ADGRG6: variants seen among roughly 807,000 people sequenced by gnomAD.
The protein encoded by ADGRG6 is adhesion G protein-coupled receptor G6.
In ADGRG6, 84 loss-of-function variants were observed where a neutral mutation model predicts 142.4. The ratio of observed to expected loss-of-function variants is 0.59; its 90% CI spans 0.49 to 0.71. The LOEUF (loss-of-function observed/expected upper bound fraction) is 0.71, where lower values mean the gene tolerates loss of function less well. Among genes scored for constraint, ADGRG6 ranks in the 30% least tolerant of loss-of-function variants. The pLI is 0.00. For synonymous variants in ADGRG6, 521 were observed against 520.5 expected, an observed-to-expected ratio of 1.00 and a Z score of -0.01; for missense variants, 1,367 against 1,466.6, an observed-to-expected ratio of 0.93 and a Z score of 1.11.
chr6:142,424,994 A>T (rs1776868842), intron 22 of ADGRG6, among the ~76,000 whole-genome samples: 1 of 152,180 alleles, frequency 6.6e-6, no homozygotes. Context: ...CATGTGCAAA[A>T]AATTTGCTAT....
At chr6:142,418,437 G>T (rs751384848) in intron 21 of ADGRG6, among the ~76,000 whole-genome samples, 7 of 152,040 alleles carry the variant, frequency 4.6e-5, no homozygotes, top group African/African-American at 1.7e-4. Flanking sequence ...AAATAATGGG[G>T]CTAGGTGAGG....
At chr6:142,436,896 C>T (rs183086659) in intron 22 of ADGRG6, among the ~76,000 whole-genome samples, 23 of 152,208 alleles carry the variant, frequency 1.5e-4, no homozygotes, top group Admixed American at 9.2e-4. Context: ...CAGGTGGAGC[C>T]GCATGATTTT....
At chr6:142,409,068 G>A (rs1364580908) in intron 16 of ADGRG6, among the ~76,000 whole-genome samples, 1 of 152,094 alleles carries the variant, frequency 6.6e-6, no homozygotes, top group Non-Finnish European at 1.5e-5. Context: ...ATTTTTAAGT[G>A]TACAGTTCAA....
chr6:142,359,969 A>G (rs1268003716), intron 2 of ADGRG6, among the ~76,000 whole-genome samples: 3 of 152,236 alleles, frequency 2.0e-5, no homozygotes. Context: ...GGTGACAAGA[A>G]TATTGACAAG....
chr6:142,315,728 G>C (rs1414660842), intron 2 of ADGRG6, among the ~76,000 whole-genome samples: 9 of 152,130 alleles, frequency 5.9e-5, no homozygotes, highest in African/African-American at 1.7e-4. Context: ...CTACTCGGGA[G>C]GCTGAGGCAG....
chr6:142,367,331 C>T (rs115572171), intron 2 of ADGRG6, among the ~76,000 whole-genome samples: 2,131 of 152,212 alleles, frequency 0.014, 52 homozygotes, highest in African/African-American at 0.048. Flanking sequence ...GACTGTATAA[C>T]CTCCCAAATT....
chr6:142,361,620 A>T (rs540575968), intron 2 of ADGRG6, among the ~76,000 whole-genome samples: 2 of 152,284 alleles, frequency 1.3e-5, no homozygotes, highest in East Asian at 3.9e-4. Flanking sequence ...GAAATTTTGT[A>T]AGTTCTTATC....
At chr6:142,392,703 G>A (rs1001547998) in intron 7 of ADGRG6, among the ~76,000 whole-genome samples, 3 of 151,900 alleles carry the variant, frequency 2.0e-5, no homozygotes, top group Non-Finnish European at 4.4e-5. Flanking sequence ...AGACTATGGG[G>A]TGTGTGGGGA....
intron 22 of ADGRG6, among the ~76,000 whole-genome samples, chr6:142,423,431 T>C (rs1776763650): frequency 6.6e-6 from 1 of 152,206 alleles, no homozygotes; most frequent in Non-Finnish European, 1.5e-5. Flanking sequence ...TAGGGAATCC[T>C]TTCCCCATTG....
At chr6:142,405,970 A>G in intron 15 of ADGRG6, 142 bp downstream of exon 15, 2 of 553,274 alleles carry the variant, frequency 3.6e-6, no homozygotes, top group Admixed American at 3.7e-5. Flanking sequence ...AATTTTTAAT[A>G]TAATTGTTTA....
intron 2 of ADGRG6, among the ~76,000 whole-genome samples, chr6:142,316,391 T>C (rs1778069510): frequency 6.6e-6 from 1 of 152,170 alleles, no homozygotes; most frequent in African/African-American, 2.4e-5. Context: ...TCACTCTTAT[T>C]GGTTTGGGCA....
At chr6:142,363,273 GC>G (rs1368309893) in intron 2 of ADGRG6, among the ~76,000 whole-genome samples, 12 of 151,876 alleles carry the variant, frequency 7.9e-5, no homozygotes, top group Admixed American at 7.9e-4. Context: ...TAAAGAATAG[GC>G]ATTTGGATTT....
chr6:142,380,216 C>G (rs1368336308), intron 4 of ADGRG6, among the ~76,000 whole-genome samples: 1 of 152,126 alleles, frequency 6.6e-6, no homozygotes, highest in Non-Finnish European at 1.5e-5. Context: ...TGTTTCTTAT[C>G]AGACTTAGGG....
chr6:142,302,659 T>C, intron 1 of ADGRG6: 1 of 358,982 alleles, frequency 2.8e-6, no homozygotes, highest in Non-Finnish European at 5.0e-6. Context: ...AAACAAGGAG[T>C]AACAGGCACC....
At chr6:142,368,252 A>G (rs1211119834) in intron 3 of ADGRG6, among the ~76,000 whole-genome samples, 1 of 152,202 alleles carries the variant, frequency 6.6e-6, no homozygotes, top group Non-Finnish European at 1.5e-5. Flanking sequence ...CCCTATTTAG[A>G]CATCATTTTA....
At chr6:142,369,594 T>TATTAAGG (rs1781128724) in intron 3 of ADGRG6, among the ~76,000 whole-genome samples, 1 of 152,314 alleles carries the variant, frequency 6.6e-6, no homozygotes, top group African/African-American at 2.4e-5. Context: ...GACTTTTCAC[T>TATTAAGG]AGACTCCCTC....
intron 10 of ADGRG6, among the ~76,000 whole-genome samples, chr6:142,398,699 A>C (rs1232089822): frequency 1.3e-5 from 2 of 152,086 alleles, no homozygotes; most frequent in Non-Finnish European, 2.9e-5. Context: ...TCACCTATGT[A>C]TTTTTAAAGA....
chr6:142,409,821 A>T, intron 16 of ADGRG6, 53 bp from the exon 17 acceptor site: 2 of 787,988 alleles, frequency 2.5e-6, no homozygotes, highest in Non-Finnish European at 4.2e-6. Context: ...TGCCATATTT[A>T]AATCATGGCA....
At chr6:142,405,867 A>G (rs1020978449) in intron 15 of ADGRG6, 39 bp downstream of exon 15, 14 of 1,463,282 alleles carry the variant, frequency 9.6e-6, no homozygotes, top group Admixed American at 2.5e-5. Context: ...TCAACTGCAA[A>G]TGAAGTTTCT....
Sources: allele counts gnomAD v4.1 joint callset (sites outside exome capture counted in the v4.1 genomes callset), GRCh38; gene constraint gnomAD v4.1.1; transcripts MANE v1.5; gene names NCBI Gene and HGNC (gene_info 2026-07-23, HGNC 2026-07-21).